Variants in NFIB observed in about 807,000 individuals in gnomAD.
The protein encoded by NFIB is nuclear factor I B, also known as nuclear factor 1 B-type.
NFIB carries 11 observed loss-of-function variants against 61.5 expected under a neutral mutation model. The observed-to-expected ratio is 0.18, with a 90% CI of 0.11 to 0.30. The LOEUF (loss-of-function observed/expected upper bound fraction) is 0.30, where lower values mean the gene tolerates loss of function less well. Among genes scored for constraint, NFIB ranks in the 10% least tolerant of loss-of-function variants. The pLI is 1.00. For synonymous variants in NFIB, 260 were observed against 216.5 expected, an observed-to-expected ratio of 1.20 and a Z score of -1.76; for missense variants, 471 against 608.9, an observed-to-expected ratio of 0.77 and a Z score of 2.38.
intron 1 of NFIB, among the ~76,000 whole-genome samples, chr9:14,378,383 A>T (rs2061444316): frequency 6.6e-6 from 1 of 152,022 alleles, no homozygotes; most frequent in South Asian, 2.1e-4. Flanking sequence ...TTTGAGATGG[A>T]GTCTCGCTCT....
intron 2 of NFIB, among the ~76,000 whole-genome samples, chr9:14,200,291 A>G (rs1172565649): frequency 1.1e-4 from 16 of 152,210 alleles, no homozygotes; most frequent in Admixed American, 9.8e-4. Context: ...TACAATAAAC[A>G]TAATCCACTG....
At chr9:14,134,855 G>A (rs1047109543) in intron 6 of NFIB, among the ~76,000 whole-genome samples, 2 of 131,028 alleles carry the variant, frequency 1.5e-5, no homozygotes, top group Non-Finnish European at 3.1e-5. Flanking sequence ...CCAAGATCAC[G>A]CCACTGCTCT....
chr9:14,186,481 A>G (rs1002067029), intron 2 of NFIB, among the ~76,000 whole-genome samples: 29 of 152,228 alleles, frequency 1.9e-4, no homozygotes, highest in African/African-American at 5.5e-4. Context: ...ATAGCATGCC[A>G]GAAACAAGAC....
chr9:14,481,370 T>TGTCTCACTTCCCC, the NFIB span, among the ~76,000 whole-genome samples: 1 of 150,492 alleles, frequency 6.6e-6, no homozygotes, highest in Non-Finnish European at 1.5e-5. Flanking sequence ...TTCCCTTCCC[T>TGTCTCACTTCCCC]GTCTCACTTC....
At chr9:14,477,930 A>G in the NFIB span, among the ~76,000 whole-genome samples, 13 of 152,310 alleles carry the variant, frequency 8.5e-5, no homozygotes, top group African/African-American at 2.9e-4. Context: ...TTCCAGACCC[A>G]TAAGATCTAG....
chr9:14,090,974 T>G (rs575214450), intron 10 of NFIB, among the ~76,000 whole-genome samples: 1 of 152,178 alleles, frequency 6.6e-6, no homozygotes, highest in Non-Finnish European at 1.5e-5. Context: ...AATAAATTGA[T>G]GCTAGTAACT....
chr9:14,350,518 G>GA (rs1453547204), intron 1 of NFIB, among the ~76,000 whole-genome samples: 3 of 151,896 alleles, frequency 2.0e-5, no homozygotes, highest in Non-Finnish European at 4.4e-5. Flanking sequence ...GTGGGGTGGG[G>GA]GGGGAAGTTG....
the NFIB span, among the ~76,000 whole-genome samples, chr9:14,455,550 G>A: frequency 6.6e-6 from 1 of 152,086 alleles, no homozygotes; most frequent in Non-Finnish European, 1.5e-5. Flanking sequence ...TTGTGGATTA[G>A]GGAAACTCAG....
At chr9:14,146,877 T>C in intron 5 of NFIB, 70 bp from the exon 6 acceptor site, 3 of 1,570,008 alleles carry the variant, frequency 1.9e-6, no homozygotes, top group Non-Finnish European at 2.6e-6. Flanking sequence ...AAGTAAATGA[T>C]CTGAGAAGAT....
At position 14,112,862 on chromosome 9, in the gene NFIB, T is replaced by A. The variant is rs933175537; in HGVS notation, c.1467+137A>T. 21 of 686,210 alleles carry A rather than the reference T, an allele frequency of 3.1e-5. No individual in the cohort carries two copies. The African/African-American group carries it at 3.7e-4, about 12-fold the overall frequency. 42.5% of individuals were successfully genotyped at this position (686,210 alleles called of 1,614,324 possible). A position where few individuals can be genotyped will look rare whatever the true frequency, so the allele number is the denominator to read the frequency against. ...AAACAAAGGATCAATGAGAAAAAAT[T>A]CTGGGAAATGAAATGATCAGTTTTG... On this transcript the variant is annotated intron_variant, in intron 10 of 10. Coordinates refer to ENST00000380953, the MANE Select transcript of NFIB (RefSeq NM_001190737.2).
chr9:14,188,725 G>A (rs1423942641), intron 2 of NFIB, among the ~76,000 whole-genome samples: 1 of 152,192 alleles, frequency 6.6e-6, no homozygotes, highest in Non-Finnish European at 1.5e-5. Context: ...AACCCAGCCA[G>A]ATCCAGTAGG....
chr9:14,141,416 C>T (rs1563827888), intron 6 of NFIB, among the ~76,000 whole-genome samples: 1 of 152,146 alleles, frequency 6.6e-6, no homozygotes, highest in Admixed American at 6.6e-5. Flanking sequence ...CTAGTTTTTG[C>T]TAACATGCCA....
chr9:14,434,293 A>G, the NFIB span, among the ~76,000 whole-genome samples: 641 of 152,260 alleles, frequency 4.2e-3, 8 homozygotes, highest in African/African-American at 0.015. Context: ...ACTAAGAGAT[A>G]CCAGTCTGTT....
chr9:14,264,257 C>T (rs1280371070), intron 2 of NFIB, among the ~76,000 whole-genome samples: 3 of 152,020 alleles, frequency 2.0e-5, no homozygotes, highest in African/African-American at 7.2e-5. Flanking sequence ...TTTTTCCTTC[C>T]TCTCTGTTAC....
At chr9:14,461,562 A>T in the NFIB span, among the ~76,000 whole-genome samples, 2 of 152,278 alleles carry the variant, frequency 1.3e-5, no homozygotes, top group African/African-American at 2.4e-5. Context: ...CATTTCATCA[A>T]TCAGCTCACC....
chr9:14,529,838 A>C, the NFIB span, among the ~76,000 whole-genome samples: 47,081 of 151,998 alleles, frequency 0.31, 7,680 homozygotes, highest in East Asian at 0.45. Flanking sequence ...TTTACCTCTG[A>C]ACTTGTCCCT....
chr9:14,134,216 T>C (rs951311302), intron 6 of NFIB, among the ~76,000 whole-genome samples: 13 of 152,200 alleles, frequency 8.5e-5, no homozygotes, highest in African/African-American at 2.2e-4. Flanking sequence ...TTACGGCTTA[T>C]AACAATGGAG....
At chr9:14,384,985 G>A (rs2061532392) in intron 1 of NFIB, among the ~76,000 whole-genome samples, 1 of 152,140 alleles carries the variant, frequency 6.6e-6, no homozygotes. Context: ...TGATTTTCAG[G>A]TAAGTAGCCT....
chr9:14,167,461 A>T (rs966447854), intron 3 of NFIB, among the ~76,000 whole-genome samples: 6 of 152,122 alleles, frequency 3.9e-5, no homozygotes, highest in African/African-American at 1.2e-4. Flanking sequence ...TGAACCTGGG[A>T]GGCAGGGGTT....
Sources: allele counts gnomAD v4.1 joint callset (sites outside exome capture counted in the v4.1 genomes callset), GRCh38; gene constraint gnomAD v4.1.1; transcripts MANE v1.5; gene names NCBI Gene and HGNC (gene_info 2026-07-23, HGNC 2026-07-21).